Variants in MECOM observed in about 807,000 individuals in gnomAD.
MECOM encodes the protein histone-lysine N-methyltransferase MECOM.
Under a neutral mutation model 116.3 loss-of-function variants are expected in MECOM, and 13 were observed. The observed-to-expected ratio is 0.11, with a 90% CI of 0.07 to 0.18. The LOEUF is 0.18. Among genes scored for constraint, MECOM ranks in the 10% least tolerant of loss-of-function variants. MECOM has a pLI of 1.00. For synonymous variants in MECOM, 528 were observed against 535.2 expected (o/e 0.99, Z 0.19); for missense variants, 1,299 against 1,509.0 (o/e 0.86, Z 2.31).
chr3:169,293,454 C>T (rs573608866), intron 2 of MECOM, among the ~76,000 whole-genome samples: 1 of 152,294 alleles, frequency 6.6e-6, no homozygotes, highest in East Asian at 1.9e-4. Flanking sequence ...CTTCGGCCGC[C>T]TTGGCCTTGC....
At chr3:169,161,477 CT>C (rs915418879) in intron 2 of MECOM, among the ~76,000 whole-genome samples, 13 of 151,796 alleles carry the variant, frequency 8.6e-5, no homozygotes, top group Non-Finnish European at 1.8e-4. Context: ...AGACAAAAGA[CT>C]TTTTTTTCCT....
At chr3:169,152,374 C>T (rs1421650168) in intron 2 of MECOM, among the ~76,000 whole-genome samples, 1 of 152,124 alleles carries the variant, frequency 6.6e-6, no homozygotes, top group African/African-American at 2.4e-5. Context: ...ATCTCCACCT[C>T]AGTAATTTGG....
intron 2 of MECOM, among the ~76,000 whole-genome samples, chr3:169,154,891 G>A (rs1741717581): frequency 6.6e-6 from 1 of 152,006 alleles, no homozygotes; most frequent in Non-Finnish European, 1.5e-5. Flanking sequence ...TATGTCTGCT[G>A]ATTTTTACCA....
At chr3:169,366,478 T>C (rs1213531458) in intron 2 of MECOM, among the ~76,000 whole-genome samples, 1 of 152,002 alleles carries the variant, frequency 6.6e-6, no homozygotes, top group Non-Finnish European at 1.5e-5. Context: ...CATACTCATC[T>C]GAAAAAATGC....
chr3:169,390,971 A>G (rs1382729334), intron 1 of MECOM, among the ~76,000 whole-genome samples: 1 of 152,244 alleles, frequency 6.6e-6, no homozygotes, highest in East Asian at 1.9e-4. Context: ...AGAACTGGAT[A>G]AACAGCGTAA....
At chr3:169,487,959 G>A (rs1752605552) in intron 1 of MECOM, among the ~76,000 whole-genome samples, 1 of 152,010 alleles carries the variant, frequency 6.6e-6, no homozygotes, top group African/African-American at 2.4e-5. Context: ...AACTTTACCA[G>A]GGAGATACAG....
At chr3:169,264,350 G>T (rs887167866) in intron 2 of MECOM, among the ~76,000 whole-genome samples, 1 of 152,062 alleles carries the variant, frequency 6.6e-6, no homozygotes, top group Non-Finnish European at 1.5e-5. Flanking sequence ...TGAATATACT[G>T]TTTTCTCCCT....
intron 2 of MECOM, among the ~76,000 whole-genome samples, chr3:169,284,392 A>G (rs1390908546): frequency 1.3e-5 from 2 of 152,028 alleles, no homozygotes; most frequent in Non-Finnish European, 2.9e-5. Context: ...TAAGAAGTCT[A>G]TTTTTCCCTC....
intron 9 of MECOM, among the ~76,000 whole-genome samples, chr3:169,108,886 A>T (rs779011106): frequency 1.3e-5 from 2 of 152,188 alleles, no homozygotes; most frequent in Non-Finnish European, 2.9e-5. Context: ...ATATAAAAGA[A>T]TGAAGAAAGG....
intron 1 of MECOM, among the ~76,000 whole-genome samples, chr3:169,599,222 C>T (rs1560478599): frequency 6.6e-6 from 1 of 152,088 alleles, no homozygotes; most frequent in Non-Finnish European, 1.5e-5. Context: ...AAGTGTGTCC[C>T]CTTTAGCATA....
chr3:169,527,990 G>A (rs1291618308), intron 1 of MECOM, among the ~76,000 whole-genome samples: 2 of 152,062 alleles, frequency 1.3e-5, no homozygotes, highest in African/African-American at 2.4e-5. Flanking sequence ...TGACTTTGGC[G>A]GCTGCAACAA....
chr3:169,427,720 T>G (rs1185976141), intron 1 of MECOM, among the ~76,000 whole-genome samples: 1 of 151,654 alleles, frequency 6.6e-6, no homozygotes, highest in African/African-American at 2.4e-5. Flanking sequence ...CAGAGAGGAG[T>G]TGAGAGATTA....
chr3:169,263,423 C>G (rs892967267), intron 2 of MECOM, among the ~76,000 whole-genome samples: 7 of 151,502 alleles, frequency 4.6e-5, no homozygotes, highest in Non-Finnish European at 8.8e-5. Context: ...CCACCGCGCC[C>G]TGCCAAGATG....
chr3:169,521,315 G>A (rs1420840966), intron 1 of MECOM, among the ~76,000 whole-genome samples: 1 of 152,128 alleles, frequency 6.6e-6, no homozygotes, highest in Non-Finnish European at 1.5e-5. Context: ...TAAGTGTCTT[G>A]ATTATTTTTG....
At chr3:169,289,368 G>A (rs527746095) in intron 2 of MECOM, among the ~76,000 whole-genome samples, 1 of 152,264 alleles carries the variant, frequency 6.6e-6, no homozygotes, top group Non-Finnish European at 1.5e-5. Flanking sequence ...CACTAATAGA[G>A]TAAGTTTCAA....
chr3:169,093,149 A>G (rs1576851181), intron 13 of MECOM, 47 bp from the exon 14 acceptor site: 1 of 1,535,306 alleles, frequency 6.5e-7, no homozygotes, highest in Non-Finnish European at 8.7e-7. Context: ...TTGTTTATCT[A>G]GCAACTTATT....
chr3:169,097,847 T>C (rs1576886971), intron 12 of MECOM, among the ~76,000 whole-genome samples: 2 of 60,592 alleles, frequency 3.3e-5, no homozygotes, highest in South Asian at 9.4e-4. Flanking sequence ...AAAAGGTGGA[T>C]TCCACTGTCA....
intron 12 of MECOM, among the ~76,000 whole-genome samples, chr3:169,097,817 T>TAAGAAAAAAAAAAAAAA (rs1722141184): frequency 1.1e-5 from 1 of 87,194 alleles, no homozygotes; most frequent in Non-Finnish European, 2.2e-5. Flanking sequence ...ACTGTCTATA[T>TAAGAAAAAAAAAAAAAA]AAAAAAAAAA....
At chr3:169,253,890 A>G (rs1756548869) in intron 2 of MECOM, among the ~76,000 whole-genome samples, 1 of 152,186 alleles carries the variant, frequency 6.6e-6, no homozygotes, top group African/African-American at 2.4e-5. Context: ...TGCTCATTTC[A>G]TTCTTATTAG....
Sources: allele counts gnomAD v4.1 joint callset (sites outside exome capture counted in the v4.1 genomes callset), GRCh38; gene constraint gnomAD v4.1.1; transcripts MANE v1.5; gene names NCBI Gene and HGNC (gene_info 2026-07-23, HGNC 2026-07-21).